CPVL: variants seen among roughly 807,000 people sequenced by gnomAD.
CPVL encodes probable serine carboxypeptidase CPVL.
In CPVL, 51 loss-of-function variants were observed where a neutral mutation model predicts 63.7. The observed-to-expected ratio is 0.80, with a 90% CI of 0.64 to 1.01. CPVL has a LOEUF of 1.01. Ranked by LOEUF, CPVL falls within the 50% of genes least tolerant of loss-of-function variation. The pLI is 0.00. For synonymous variants in CPVL, 195 were observed against 206.0 expected, an observed-to-expected ratio of 0.95 and a Z score of 0.46; for missense variants, 530 against 573.1, an observed-to-expected ratio of 0.92 and a Z score of 0.77.
intron 11 of CPVL, among the ~76,000 whole-genome samples, chr7:29,047,801 G>A (rs1789769571): frequency 6.6e-6 from 1 of 152,116 alleles, no homozygotes; most frequent in South Asian, 2.1e-4. Flanking sequence ...AAAAGTACCA[G>A]GTAACCTATA....
intron 1 of CPVL, chr7:29,194,743 A>G (rs1783409387): frequency 2.2e-6 from 1 of 452,274 alleles, no homozygotes; most frequent in Admixed American, 4.5e-5. Flanking sequence ...CGGAAACCAC[A>G]AATAAATAGC....
chr7:28,999,827 C>T (rs1208865162), intron 12 of CPVL, among the ~76,000 whole-genome samples: 5 of 152,166 alleles, frequency 3.3e-5, no homozygotes, highest in African/African-American at 7.2e-5. Context: ...AGCAGATTCA[C>T]ATACAGCATT....
chr7:29,155,087 A>G (rs1794162777), intron 5 of CPVL, among the ~76,000 whole-genome samples: 1 of 152,060 alleles, frequency 6.6e-6, no homozygotes, highest in African/African-American at 2.4e-5. Flanking sequence ...ACAGCACAGG[A>G]CCTGCCCCCA....
At chr7:29,137,567 G>C (rs868031752) in intron 1 of CPVL, among the ~76,000 whole-genome samples, 1 of 152,152 alleles carries the variant, frequency 6.6e-6, no homozygotes, top group African/African-American at 2.4e-5. Flanking sequence ...TTTTCCTATT[G>C]GCACAACTGC....
chr7:29,051,790 C>G (rs573525571), intron 11 of CPVL, among the ~76,000 whole-genome samples: 2 of 152,118 alleles, frequency 1.3e-5, no homozygotes, highest in African/African-American at 4.8e-5. Flanking sequence ...GATACTTGCA[C>G]ACAGGTTTAT....
intron 2 of CPVL, among the ~76,000 whole-genome samples, chr7:29,118,412 C>T (rs6965160): frequency 0.28 from 43,338 of 152,128 alleles, 6,324 homozygotes; most frequent in Middle Eastern, 0.34. Context: ...GAGGGTTTAA[C>T]GACACTTTGC....
chr7:29,139,733 C>T (rs1791655092), intron 1 of CPVL, among the ~76,000 whole-genome samples: 1 of 152,128 alleles, frequency 6.6e-6, no homozygotes, highest in South Asian at 2.1e-4. Flanking sequence ...ATGGAGTGTG[C>T]AGTCTGCCAG....
chr7:29,185,060 A>G (rs935135393), intron 3 of CPVL, among the ~76,000 whole-genome samples: 3 of 152,164 alleles, frequency 2.0e-5, no homozygotes, highest in Non-Finnish European at 4.4e-5. Context: ...TATATTCAGA[A>G]CACCTAAGAA....
At chr7:29,013,039 G>T (rs1194587860) in intron 12 of CPVL, 1 of 152,204 alleles carries the variant, frequency 6.6e-6, no homozygotes, top group African/African-American at 2.4e-5. Flanking sequence ...TCTGTGTTTT[G>T]CATTGACCAG....
intron 1 of CPVL, among the ~76,000 whole-genome samples, chr7:29,124,529 T>C (rs916883464): frequency 5.9e-5 from 9 of 152,138 alleles, no homozygotes; most frequent in African/African-American, 2.2e-4. Context: ...AAATCATGTG[T>C]CCAATGTATG....
intron 3 of CPVL, among the ~76,000 whole-genome samples, chr7:29,102,107 G>C (rs987976184): frequency 1.3e-5 from 2 of 152,142 alleles, no homozygotes; most frequent in African/African-American, 2.4e-5. Context: ...ATGGATTCTG[G>C]AGCCAGAATG....
chr7:29,167,696 T>C (rs1291050584), intron 5 of CPVL, among the ~76,000 whole-genome samples: 4 of 152,222 alleles, frequency 2.6e-5, no homozygotes, highest in Non-Finnish European at 1.5e-5. Flanking sequence ...ACTATATAGT[T>C]TTGCCAATCT....
At chr7:29,120,619 C>T (rs999437557) in intron 2 of CPVL, among the ~76,000 whole-genome samples, 1 of 151,658 alleles carries the variant, frequency 6.6e-6, no homozygotes, top group African/African-American at 2.4e-5. Context: ...GTCAAGAGAT[C>T]GAGACCATCC....
chr7:29,126,422 C>T (rs144513947), intron 1 of CPVL: 8 of 152,290 alleles, frequency 5.3e-5, no homozygotes, highest in South Asian at 4.1e-4. Context: ...GCTCACACTC[C>T]AATTCCAATC....
intron 11 of CPVL, among the ~76,000 whole-genome samples, chr7:29,045,977 T>C (rs974935810): frequency 6.6e-6 from 1 of 152,092 alleles, no homozygotes; most frequent in African/African-American, 2.4e-5. Flanking sequence ...TAAGAAACAC[T>C]AACATCCTGA....
upstream of CPVL, chr7:29,147,000 T>C (rs772923316): frequency 7.1e-6 from 11 of 1,550,248 alleles, no homozygotes; most frequent in South Asian, 1.2e-4. Flanking sequence ...CCAAGCACTC[T>C]CCTGAATCAC....
intron 12 of CPVL, among the ~76,000 whole-genome samples, chr7:29,027,140 T>C (rs996403084): frequency 1.3e-5 from 2 of 152,048 alleles, no homozygotes; most frequent in African/African-American, 4.8e-5. Context: ...TAATACACCA[T>C]AATCAAGTGG....
At chr7:29,095,911 AAGC>A (rs1315229724) in intron 4 of CPVL, among the ~76,000 whole-genome samples, 189 bp downstream of exon 4, 11 of 152,320 alleles carry the variant, frequency 7.2e-5, no homozygotes, top group Admixed American at 6.5e-4. Context: ...TCAAGGGAGA[AAGC>A]AGCCCAGTCA....
chr7:29,014,244 C>T (rs1246413292), intron 12 of CPVL, among the ~76,000 whole-genome samples: 4 of 152,324 alleles, frequency 2.6e-5, no homozygotes, highest in Non-Finnish European at 4.4e-5. Flanking sequence ...TGAAAGAGGA[C>T]ATCCATCATT....
Sources: allele counts gnomAD v4.1 joint callset (sites outside exome capture counted in the v4.1 genomes callset), GRCh38; gene constraint gnomAD v4.1.1; transcripts MANE v1.5; gene names NCBI Gene and HGNC (gene_info 2026-07-23, HGNC 2026-07-21).